Variants in PPOX observed in about 807,000 individuals in gnomAD.
PPOX encodes variegate porphyria.
In PPOX, 23 loss-of-function variants were observed where a neutral mutation model predicts 54.1. The ratio of observed to expected loss-of-function variants is 0.43; its 90% CI spans 0.31 to 0.60. The LOEUF (loss-of-function observed/expected upper bound fraction) is 0.60, where lower values mean the gene tolerates loss of function less well. PPOX is among the 20% of genes least tolerant of loss of function. The pLI is 0.13. For missense variants in PPOX, 512 were observed against 601.1 expected (o/e 0.85, Z 1.55); for synonymous variants, 224 against 236.1 (o/e 0.95, Z 0.47).
chr1:161,172,440 GAA>G, downstream of PPOX: 1 of 840,878 alleles, frequency 1.2e-6, no homozygotes, highest in Non-Finnish European at 1.8e-6. Context: ...GTAGGCAAAA[GAA>G]AAAAAAAGCC....
At position 161,168,487 on chromosome 1, in the gene PPOX, G is replaced by T; in HGVS notation, c.527G>T (p.Arg176Leu). The T allele has an allele frequency of 6.2e-7, 1 of 1,614,134 alleles. No homozygotes were observed. Residue 176 changes from arginine to leucine, a missense_variant, in exon 6 of 13, where the codon CGT becomes CTT. Transcript: ENST00000367999. ...CGTGGAGTGTTTGCAGGCAACAGCCGTGAGCTCAGCATCAGGTCCTGCTTT... is the reference window on the plus strand; with the variant it reads ...CGTGGAGTGTTTGCAGGCAACAGCCTTGAGCTCAGCATCAGGTCCTGCTTT... Reference protein sequence around the residue: ...LCRGVFAGNSRELSIRSCFPS... With the variant: ...LCRGVFAGNSLELSIRSCFPS...
rs1204053127 is a variant in PPOX at position 161,176,385 on chromosome 1, C to G, written c.373-464C>G. 7.0e-5 allele frequency: 31 copies of G among 444,112 alleles called. 1 individual carries two copies. The highest frequency in any genetic ancestry group is 6.1e-5 in the Non-Finnish European group (15 of 244,536). The allele number at this position is 444,112 out of a possible 1,614,324, so 27.5% of individuals were successfully genotyped here. On this transcript the variant is annotated intron_variant, in intron 4 of 4. Transcript: ENST00000497522. ...AAATCTCATGTTCATTTCAGAAAGT[C>G]TCTAGAGAACCCCCTCTTCCAATTT...
intron 9 of PPOX, 154 bp from the exon 10 acceptor site, chr1:161,170,255 G>A: frequency 1.2e-6 from 1 of 836,960 alleles, no homozygotes. Context: ...AACCCAGGAG[G>A]TGGAGGTTGC....
intron 4 of PPOX, chr1:161,176,770 C>T: frequency 7.9e-7 from 1 of 1,265,214 alleles, no homozygotes; most frequent in Non-Finnish European, 1.1e-6. Flanking sequence ...CATACTTAAC[C>T]ACCCCCGTAC....
chr1:161,166,999 A>C, intron 2 of PPOX, 65 bp downstream of exon 2: 2 of 1,608,386 alleles, frequency 1.2e-6, no homozygotes. Flanking sequence ...ATCAAAAGCT[A>C]GATGGATCCT....
At chr1:161,170,111 G>T in intron 9 of PPOX, 87 bp downstream of exon 9, 3 of 1,490,694 alleles carry the variant, frequency 2.0e-6, no homozygotes, top group Non-Finnish European at 2.7e-6. Context: ...CAGATAACAA[G>T]GTCAGGAGTT....
chr1:161,167,849 C>T (rs906526318), intron 4 of PPOX, 146 bp from the exon 5 acceptor site: 23 of 1,322,262 alleles, frequency 1.7e-5, no homozygotes, highest in Non-Finnish European at 2.4e-5. Context: ...AGGCGTGAGC[C>T]ACCACGCCCG....
At chr1:161,176,102 G>T, downstream of PPOX, 1 of 1,609,348 alleles carries the variant, frequency 6.2e-7, no homozygotes, top group Non-Finnish European at 8.5e-7. Flanking sequence ...AATTCTGGGG[G>T]TAGGCAGGAA....
chr1:161,172,325 G>A (rs373052685), downstream of PPOX: 2 of 1,613,624 alleles, frequency 1.2e-6, no homozygotes, highest in African/African-American at 1.3e-5. Context: ...TCCCAGCCAG[G>A]CGCACCCTAT....
At chr1:161,176,374 T>C (rs1663521112) in intron 4 of PPOX, 1 of 464,720 alleles carries the variant, frequency 2.2e-6, no homozygotes, top group African/African-American at 2.0e-5. Context: ...CTCATGTTCA[T>C]TTCAGAAAGT....
downstream of PPOX, chr1:161,175,220 C>A (rs780124870): frequency 7.4e-6 from 12 of 1,612,290 alleles, no homozygotes; most frequent in African/African-American, 1.5e-4. Flanking sequence ...GACACCGACA[C>A]AGGACCCACT....
chr1:161,171,170 C>A lies in PPOX; in HGVS notation c.1428C>A (p.Asn476Lys), dbSNP rs963133519. 1.7e-5 allele frequency: 28 copies of A among 1,613,214 alleles called. No homozygotes were observed. The highest frequency in any genetic ancestry group is 2.4e-5 in the Non-Finnish European group (28 of 1,180,052). ...AAVSVLGTEP[N>K]S ...TCAGTGTCCTGGGCACAGAACCTAACAGCTGATCCCCAACTCTCATTCATG... is the reference window on the plus strand; with the variant it reads ...TCAGTGTCCTGGGCACAGAACCTAAAAGCTGATCCCCAACTCTCATTCATG... Residue 476 changes from asparagine (N) to lysine (K), a missense_variant, in exon 13 of 13, where the codon AAC becomes AAA. Physicochemically the swap from Asn to Lys is moderately conservative, Grantham distance 94 (BLOSUM62 0). Transcript: ENST00000367999.
chr1:161,171,526 G>T, downstream of PPOX: 5 of 580,626 alleles, frequency 8.6e-6, no homozygotes, highest in South Asian at 1.0e-4. Context: ...GGGGCTTGGG[G>T]TCCAGCCCTG....
Position 161,166,533 on chromosome 1 carries a change from T to C in PPOX, c.-148T>C, listed in dbSNP as rs966294769. ...AGCAGAGCACCTCAGAACTCAGGCGTACTGCCCGCCGCCCGAGCCCTGCGA... is the reference window on the plus strand; with the variant it reads ...AGCAGAGCACCTCAGAACTCAGGCGCACTGCCCGCCGCCCGAGCCCTGCGA... On this transcript the variant is annotated 5_prime_UTR_variant, in exon 1 of 13. Coordinates refer to ENST00000367999, the MANE Select transcript of PPOX (RefSeq NM_001122764.3). 11 of 1,366,808 alleles carry C rather than the reference T, an allele frequency of 8.0e-6. No individual in the cohort carries two copies. In the African/African-American group the frequency reaches 1.6e-4, roughly 20 times the overall value. The allele number at this position is 1,366,808 out of a possible 1,614,324, so 84.7% of individuals were successfully genotyped here.
chr1:161,166,094 C>T (rs1441676657), upstream of PPOX: 1 of 985,218 alleles, frequency 1.0e-6, no homozygotes, highest in Non-Finnish European at 1.2e-6. Flanking sequence ...GTGGACTGGC[C>T]TTAAGTGTCC....
Position 161,168,415 on chromosome 1 carries a change from C to T in PPOX, c.472-17C>T. On this transcript the variant is annotated splice_polypyrimidine_tract_variant and intron_variant, in intron 5 of 12. Transcript: ENST00000367999. ...TAGATTATTTTTTCGCTCCTTAGTC[C>T]TAGTCTCACCCTTAAGGTGGCGTCT... The T allele has an allele frequency of 6.2e-7, 1 of 1,613,704 alleles. No individual in the cohort carries two copies. Among genetic ancestry groups the T allele is most frequent in the South Asian group, 1.1e-5 (1 of 91,050 alleles).
intron 9 of PPOX, 64 bp from the exon 10 acceptor site, chr1:161,170,345 G>T: frequency 2.0e-6 from 1 of 494,306 alleles, no homozygotes. Context: ...CCAAAAAAAT[G>T]GGAAGGAGAG....
Position 161,170,529 on chromosome 1 carries a change from A to C in PPOX, c.1098+10A>C, listed in dbSNP as rs778009442. 6.2e-7 allele frequency: 1 copy of C among 1,614,040 alleles called. No homozygotes were observed. The highest frequency in any genetic ancestry group is 8.5e-7 in the Non-Finnish European group (1 of 1,179,978). On this transcript the variant is annotated intron_variant, in intron 10 of 12. Coordinates refer to ENST00000367999, the MANE Select transcript of PPOX (RefSeq NM_001122764.3). ...TGGCCTCAGAGTGACTGTGAGGAGG[A>C]GGAAACTTTGCCTAGTGGCATTTCC...
intron 7 of PPOX, 76 bp downstream of exon 7, chr1:161,169,259 C>A: frequency 1.3e-6 from 2 of 1,527,286 alleles, no homozygotes; most frequent in Non-Finnish European, 1.8e-6. Flanking sequence ...AGGCCAGGGC[C>A]GATAGGACTG....
Sources: allele counts gnomAD v4.1 joint callset, GRCh38; gene constraint gnomAD v4.1.1; transcripts MANE v1.5; gene names NCBI Gene and HGNC (gene_info 2026-07-23, HGNC 2026-07-21).